LENG1: variants seen among roughly 807,000 people sequenced by gnomAD.
LENG1 encodes the protein leukocyte receptor cluster member 1.
A neutral mutation model predicts 28.8 loss-of-function variants in LENG1; 35 were observed. That is an observed-to-expected ratio of 1.22 (90% CI 0.93 to 1.61). LENG1 has a LOEUF of 1.61. Ranked by LOEUF, LENG1 falls within the 40% of genes most tolerant of loss-of-function variation. The pLI, the probability that LENG1 is intolerant of heterozygous loss-of-function variation, is 0.00. For synonymous variants in LENG1, 170 were observed against 140.6 expected (o/e 1.21, Z -1.48); for missense variants, 404 against 348.9 (o/e 1.16, Z -1.26).
chr19:54,155,232 C>A lies in LENG1; in HGVS notation c.*489G>T. The A allele has an allele frequency of 1.3e-6, 2 of 1,570,762 alleles. No homozygotes were observed. The highest frequency in any genetic ancestry group is 1.7e-6 in the Non-Finnish European group (2 of 1,159,998). ...ACACATCCACAGCCCTAAGAATTGT[C>A]CCCTTTGTCTGTTGGTCCGGCCCAG... On this transcript the variant is annotated 3_prime_UTR_variant, in exon 4 of 4. Transcript: ENST00000222224.
In LENG1 at chr19:54,155,589, G is replaced by A. The variant is rs2075361179; in HGVS notation, c.*132C>T. The A allele has an allele frequency of 1.9e-6, 2 of 1,064,196 alleles. No individual in the cohort carries two copies. Among genetic ancestry groups the A allele is most frequent in the African/African-American group, 3.2e-5 (2 of 62,658 alleles). 65.9% of individuals were successfully genotyped at this position (1,064,196 alleles called of 1,614,324 possible). A position where few individuals can be genotyped will look rare whatever the true frequency, so the allele number is the denominator to read the frequency against. On this transcript the variant is annotated 3_prime_UTR_variant, in exon 4 of 4. Transcript: ENST00000222224. ...CCCACCCTGGGGGCCCGGGGGCGAG[G>A]GCTGCCCCCTCCTCCCCTCCCCAGT... is the stretch of plus-strand genomic sequence containing the variant.
chr19:54,158,165 G>A lies in LENG1; in HGVS notation c.312+117C>T, dbSNP rs375985972. The A allele has an allele frequency of 3.0e-4, 285 of 963,436 alleles. 2 individuals are homozygous for A. In the East Asian group the frequency reaches 3.1e-3, roughly 10 times the overall value. The allele number at this position is 963,436 out of a possible 1,614,324, so 59.7% of individuals were successfully genotyped here. On this transcript the variant is annotated intron_variant, in intron 2 of 3. Coordinates refer to ENST00000222224, the MANE Select transcript of LENG1 (RefSeq NM_024316.3). ...TTTTTGAGTGTCATGCCTTGGTATG[G>A]TCCTAAATTCTGTGTGTTCACTCTT... is the stretch of plus-strand genomic sequence containing the variant.
Position 54,155,347 on chromosome 19 carries a change from G to A in LENG1, c.*374C>T, listed in dbSNP as rs774095887. 1 of 1,613,364 alleles carries A rather than the reference G, an allele frequency of 6.2e-7. No individual in the cohort carries two copies. ...ACTTTGACTACGAGAAGTGGGGCCA[G>A]CGGAAGAAGGAAGGCTTCACCTTTG... On this transcript the variant is annotated 3_prime_UTR_variant, in exon 4 of 4. Coordinates refer to ENST00000222224, the MANE Select transcript of LENG1 (RefSeq NM_024316.3).
chr19:54,157,494 G>A (rs1017688867), intron 2 of LENG1, among the ~76,000 whole-genome samples: 18 of 152,166 alleles, frequency 1.2e-4, no homozygotes, highest in Middle Eastern at 3.4e-3. Context: ...TCAGCCCCCC[G>A]AGTAGCTGGG....
In LENG1 at chr19:54,159,716, A is replaced by G. The variant is rs200249044; in HGVS notation, c.-21T>C. On this transcript the variant is annotated 5_prime_UTR_variant, in exon 1 of 4. Transcript: ENST00000222224. ...TTCATGGCGTCGTAGCTGTCCAGGG[A>G]CTGGCACGCCCGCCTCTTTGCACTT... 85 of 1,560,480 alleles carry G rather than the reference A, an allele frequency of 5.4e-5. No individual in the cohort carries two copies. In the African/African-American group the frequency reaches 1.1e-3, roughly 20 times the overall value.
At position 54,155,392 on chromosome 19, in the gene LENG1, C is replaced by T; in HGVS notation, c.*329G>A. The T allele has an allele frequency of 6.2e-7, 1 of 1,607,562 alleles. No individual in the cohort carries two copies. Among genetic ancestry groups the T allele is most frequent in the Non-Finnish European group, 8.5e-7 (1 of 1,175,678 alleles). On this transcript the variant is annotated 3_prime_UTR_variant, in exon 4 of 4. Coordinates refer to ENST00000222224, the MANE Select transcript of LENG1 (RefSeq NM_024316.3). ...CCTTTGAGTACCGCTACCTGGAGGA[C>T]CGGGACCTCCAGTGACACCGGCCCC...
In LENG1 at chr19:54,159,585, C is replaced by A. The variant is rs746319397; in HGVS notation, c.111G>T (p.Arg37Ser). ...AREEEKERER[R>S]VLLAQQEART... ...TTACCTCTTGCTGAGCCAGCAGCAC[C>A]CTCCGCTCACGCTCCTTCTCCTCCT... is the stretch of plus-strand genomic sequence containing the variant. The change falls in exon 1 of 4, where the codon AGG (arginine) becomes AGT (serine). Residue 37 changes from arginine to serine, a missense_variant. Arg to Ser is a moderately radical substitution (Grantham distance 110). Coordinates refer to ENST00000222224, the MANE Select transcript of LENG1 (RefSeq NM_024316.3). The A allele has an allele frequency of 6.9e-6, 11 of 1,592,874 alleles. No homozygotes were observed. The East Asian group carries it at 2.0e-4, about 30-fold the overall frequency.
Position 54,159,638 on chromosome 19 carries a change from C to G in LENG1, c.58G>C (p.Val20Leu). ...CGGGCCTGGGCCTCGTCACGCCGCA[C>G]GCGGGCGACATTGTCCTTGTTCCGG... is the stretch of plus-strand genomic sequence containing the variant. ...HVRNKDNVAR[V>L]RRDEAQAREE... The change falls in exon 1 of 4, where the codon GTG (valine) becomes CTG (leucine). Residue 20 changes from valine to leucine, a missense_variant. Val to Leu is a conservative substitution (Grantham distance 32, BLOSUM62 1). Transcript: ENST00000222224. 3 of 1,613,060 alleles carry G rather than the reference C, an allele frequency of 1.9e-6. No homozygotes were observed. Among genetic ancestry groups the G allele is most frequent in the South Asian group, 1.1e-5 (1 of 90,810 alleles).
Position 54,157,036 on chromosome 19 carries a change from C to G in LENG1, c.313-11G>C. 1 of 1,515,734 alleles carries G rather than the reference C, an allele frequency of 6.6e-7. No homozygotes were observed. Among genetic ancestry groups the G allele is most frequent in the Non-Finnish European group, 8.8e-7 (1 of 1,132,228 alleles). 93.9% of individuals were successfully genotyped at this position (1,515,734 alleles called of 1,614,324 possible). A position where few individuals can be genotyped will look rare whatever the true frequency, so the allele number is the denominator to read the frequency against. On this transcript the variant is annotated splice_polypyrimidine_tract_variant and intron_variant, in intron 2 of 3. Coordinates refer to ENST00000222224, the MANE Select transcript of LENG1 (RefSeq NM_024316.3). Reference sequence around the variant, plus strand: ...TTTCTCTTGCCTCTCCTGAGGGGGCCAGGAAATACAAGAGATGTGATATAA... The same window carrying G: ...TTTCTCTTGCCTCTCCTGAGGGGGCGAGGAAATACAAGAGATGTGATATAA...
In LENG1 at chr19:54,159,591, C is replaced by G. The variant is rs747662030; in HGVS notation, c.105G>C (p.Glu35Asp). The G allele has an allele frequency of 6.3e-7, 1 of 1,598,500 alleles. No individual in the cohort carries two copies. The highest frequency in any genetic ancestry group is 1.7e-5 in the Admixed American group (1 of 57,584). Residue 35 changes from glutamate (E) to aspartate (D), a missense_variant, in exon 1 of 4, where the codon GAG becomes GAC. Glu to Asp is a conservative substitution (Grantham distance 45, BLOSUM62 2). Transcript: ENST00000222224. Reference sequence around the variant, plus strand: ...CTTGCTGAGCCAGCAGCACCCTCCGCTCACGCTCCTTCTCCTCCTCCCGGG... The same window carrying G: ...CTTGCTGAGCCAGCAGCACCCTCCGGTCACGCTCCTTCTCCTCCTCCCGGG... The part of the protein sequence containing the change: ...AQAREEEKER[E>D]RRVLLAQQEA...
At chr19:54,156,716 A>G (rs746626973) in intron 3 of LENG1, 47 bp downstream of exon 3, 2 of 1,552,422 alleles carry the variant, frequency 1.3e-6, no homozygotes, top group Admixed American at 1.9e-5. Context: ...GCTGCTGCCA[A>G]GCCCTGAAGG....
intron 3 of LENG1, among the ~76,000 whole-genome samples, chr19:54,156,529 G>T (rs766006259): frequency 6.6e-6 from 1 of 152,122 alleles, no homozygotes; most frequent in African/African-American, 2.4e-5. Flanking sequence ...CTGAGAACAC[G>T]AGTGGAAAAG....
Position 54,155,437 on chromosome 19 carries a change from C to T in LENG1, c.*284G>A, listed in dbSNP as rs764645167. ...GGCCCCTCCCTCTACCCACCCCCTT[C>T]CCCCGCATGCTGATCCCCCTGCCCA... On this transcript the variant is annotated 3_prime_UTR_variant, in exon 4 of 4. Coordinates refer to ENST00000222224, the MANE Select transcript of LENG1 (RefSeq NM_024316.3). 5.0e-6 allele frequency: 7 copies of T among 1,409,814 alleles called. No individual in the cohort carries two copies. Among genetic ancestry groups the T allele is most frequent in the East Asian group, 2.5e-5 (1 of 40,488 alleles). The allele number at this position is 1,409,814 out of a possible 1,614,324, so 87.3% of individuals were successfully genotyped here.
At chr19:54,156,140 T>C (rs1299103937) in intron 3 of LENG1, among the ~76,000 whole-genome samples, 200 bp from the exon 4 acceptor site, 1 of 152,214 alleles carries the variant, frequency 6.6e-6, no homozygotes, top group Non-Finnish European at 1.5e-5. Flanking sequence ...CTGTGGGCTT[T>C]GGTCCTCCCC....
chr19:54,158,605 C>G (rs2075441213), intron 1 of LENG1, 144 bp from the exon 2 acceptor site: 2 of 703,226 alleles, frequency 2.8e-6, no homozygotes. Context: ...AGGCACCTGT[C>G]CTAGCTGGGG....
chr19:54,157,549 A>G (rs564007404), intron 2 of LENG1, among the ~76,000 whole-genome samples: 5 of 151,702 alleles, frequency 3.3e-5, no homozygotes, highest in African/African-American at 4.8e-5. Context: ...TTGTATTTTT[A>G]GTAGAGACGG....
At position 54,155,807 on chromosome 19, in the gene LENG1, C is replaced by G. The variant is rs752277249; in HGVS notation, c.709G>C (p.Asp237His). The G allele has an allele frequency of 1.9e-6, 3 of 1,612,194 alleles. No homozygotes were observed. In the African/African-American group the frequency reaches 4.0e-5, roughly 22 times the overall value. Residue 237 changes from aspartate (D) to histidine (H), a missense_variant, in exon 4 of 4, where the codon GAT becomes CAT. By Grantham distance (81) the Asp-to-His change is moderately conservative (BLOSUM62 -1). Coordinates refer to ENST00000222224, the MANE Select transcript of LENG1 (RefSeq NM_024316.3). ...GAGTTGTACCGCCGCCGCCGGTCAT[C>G]CGTCTCGTCTTCTTCCGGCTGACCC... is the stretch of plus-strand genomic sequence containing the variant. Reference protein sequence around the residue: ...QEGQPEEDETDDRRRRYNSQF... With the variant: ...QEGQPEEDETHDRRRRYNSQF...
chr19:54,156,953 G>A lies in LENG1; in HGVS notation c.385C>T (p.Pro129Ser), dbSNP rs777063021. 1.5e-5 allele frequency: 24 copies of A among 1,612,150 alleles called. No individual in the cohort carries two copies. In the South Asian group the frequency reaches 2.3e-4, roughly 16 times the overall value. ...CGCCCTGGGGGTAGCTGGTACCAAG[G>A]GGGTTGAGTCTGTGCCTCCGCTGCA... ...QSAAEAQTQPPWYQLPPGRGG... is the reference protein window; with the variant it reads ...QSAAEAQTQPSWYQLPPGRGG... Residue 129 changes from proline to serine, a missense_variant, in exon 3 of 4, where the codon CCT becomes TCT. Physicochemically the swap from Pro to Ser is moderately conservative, Grantham distance 74. Coordinates refer to ENST00000222224, the MANE Select transcript of LENG1 (RefSeq NM_024316.3).
chr19:54,156,316 C>T (rs1331711157), intron 3 of LENG1, among the ~76,000 whole-genome samples: 7 of 152,216 alleles, frequency 4.6e-5, no homozygotes, highest in Non-Finnish European at 7.3e-5. Flanking sequence ...TCTAACCCAG[C>T]AGCTCTCAAA....
Sources: gnomAD v4.1 joint callset for allele counts (sites outside exome capture counted in the v4.1 genomes callset) on GRCh38, gnomAD v4.1.1 for gene constraint, MANE v1.5 for transcripts, NCBI Gene and HGNC (gene_info 2026-07-23, HGNC 2026-07-21) for gene names.